Variants in BRINP3 observed in about 807,000 individuals in gnomAD.
BRINP3 encodes BMP/retinoic acid inducible neural specific 3.
BRINP3 carries 19 observed loss-of-function variants against 71.0 expected under a neutral mutation model. The observed-to-expected ratio is 0.27, with a 90% CI of 0.19 to 0.39. BRINP3 has a LOEUF of 0.39. Among genes scored for constraint, BRINP3 ranks in the 10% least tolerant of loss-of-function variants. The pLI, the probability that BRINP3 is intolerant of heterozygous loss-of-function variation, is 1.00. For missense variants in BRINP3, 959 were observed against 940.8 expected (o/e 1.02, Z -0.25); for synonymous variants, 380 against 337.7 (o/e 1.13, Z -1.37).
intron 2 of BRINP3, among the ~76,000 whole-genome samples, chr1:190,432,993 T>G (rs1377315816): frequency 6.6e-6 from 1 of 152,292 alleles, no homozygotes; most frequent in Non-Finnish European, 1.5e-5. Flanking sequence ...AGTGTTAAAT[T>G]TATTGAAAAG....
At chr1:190,352,227 A>G (rs1668434297) in intron 2 of BRINP3, among the ~76,000 whole-genome samples, 1 of 152,074 alleles carries the variant, frequency 6.6e-6, no homozygotes, top group African/African-American at 2.4e-5. Context: ...CATTTTGACT[A>G]CTGAAAATTT....
chr1:190,423,098 T>A (rs1341286284), intron 2 of BRINP3, among the ~76,000 whole-genome samples: 1 of 151,730 alleles, frequency 6.6e-6, no homozygotes, highest in Non-Finnish European at 1.5e-5. Context: ...TCATGCTACT[T>A]TCTAAGATGA....
At position 190,322,515 on chromosome 1, in the gene BRINP3, A is replaced by T. The variant is rs145397305; in HGVS notation, c.237-40765T>A. On this transcript the variant is annotated intron_variant, in intron 2 of 7. Transcript: ENST00000367462. ...TGAGTACACAGACAGACCTGAAGAAAAAGTGCGGCTGAGAAACGGGAATAT... is the reference window on the plus strand; with the variant it reads ...TGAGTACACAGACAGACCTGAAGAATAAGTGCGGCTGAGAAACGGGAATAT... Among the ~76,000 whole-genome samples the T allele has an allele frequency of 5.5e-3, 831 of 152,162 alleles. 5 individuals carry two copies. Among genetic ancestry groups the T allele is most frequent in the African/African-American group, 0.018 (760 of 41,532 alleles).
intron 7 of BRINP3, among the ~76,000 whole-genome samples, chr1:190,127,863 C>G (rs1198506719): frequency 6.6e-6 from 1 of 151,692 alleles, no homozygotes; most frequent in East Asian, 1.9e-4. Flanking sequence ...CATGTTACAT[C>G]GCTGAAAACC....
At chr1:190,325,974 A>G (rs928718245) in intron 2 of BRINP3, among the ~76,000 whole-genome samples, 1 of 152,132 alleles carries the variant, frequency 6.6e-6, no homozygotes, top group Non-Finnish European at 1.5e-5. Flanking sequence ...TAATGTATTC[A>G]AACAATAAAT....
intron 6 of BRINP3, among the ~76,000 whole-genome samples, chr1:190,165,130 AAGAGAAAT>A (rs1651375335): frequency 6.6e-6 from 1 of 152,116 alleles, no homozygotes; most frequent in South Asian, 2.1e-4. Context: ...ATAAAATAAA[AAGAGAAAT>A]AGAAAAAAAC....
intron 6 of BRINP3, among the ~76,000 whole-genome samples, chr1:190,190,626 T>C (rs910277227): frequency 1.3e-5 from 2 of 152,106 alleles, no homozygotes; most frequent in Non-Finnish European, 2.9e-5. Flanking sequence ...TAGAGCATAC[T>C]GATTCTTGCC....
At chr1:190,290,971 T>C (rs1558150559) in intron 2 of BRINP3, among the ~76,000 whole-genome samples, 1 of 151,522 alleles carries the variant, frequency 6.6e-6, no homozygotes, top group Non-Finnish European at 1.5e-5. Flanking sequence ...GAAAAAGATA[T>C]GGAGTATAGA....
intron 2 of BRINP3, among the ~76,000 whole-genome samples, chr1:190,444,685 A>C (rs759696331): frequency 1.1e-4 from 16 of 151,856 alleles, no homozygotes; most frequent in Non-Finnish European, 2.2e-4. Flanking sequence ...ACAGGCGCGC[A>C]CCAGTATGCT....
At chr1:190,219,938 C>T (rs553044657) in intron 6 of BRINP3, among the ~76,000 whole-genome samples, 54 of 151,404 alleles carry the variant, frequency 3.6e-4, no homozygotes, top group African/African-American at 1.3e-3. Flanking sequence ...TGAAAAGGAA[C>T]AAAGACCACC....
intron 6 of BRINP3, among the ~76,000 whole-genome samples, chr1:190,218,935 G>T (rs1656639494): frequency 6.6e-6 from 1 of 151,958 alleles, no homozygotes; most frequent in Non-Finnish European, 1.5e-5. Context: ...AGCCATCATT[G>T]TGTTTTCTCT....
intron 6 of BRINP3, among the ~76,000 whole-genome samples, chr1:190,179,703 G>C (rs889560106): frequency 6.6e-6 from 1 of 152,100 alleles, no homozygotes; most frequent in Non-Finnish European, 1.5e-5. Context: ...AAAGTGAATA[G>C]TCTTTCCAGT....
intron 2 of BRINP3, among the ~76,000 whole-genome samples, chr1:190,436,885 T>A (rs1356034457): frequency 6.6e-6 from 1 of 151,826 alleles, no homozygotes; most frequent in Non-Finnish European, 1.5e-5. Context: ...TGCTACATCC[T>A]GAAACTATAA....
At chr1:190,429,809 G>C (rs879438627) in intron 2 of BRINP3, among the ~76,000 whole-genome samples, 5 of 151,778 alleles carry the variant, frequency 3.3e-5, no homozygotes, top group African/African-American at 7.3e-5. Context: ...GACTGGTCTC[G>C]AACTCCCGAC....
chr1:190,198,690 C>A (rs1246511722), intron 6 of BRINP3, among the ~76,000 whole-genome samples: 2 of 152,166 alleles, frequency 1.3e-5, no homozygotes, highest in Non-Finnish European at 2.9e-5. Flanking sequence ...AAGTTCCCAA[C>A]AAGAGCCTCA....
chr1:190,453,405 G>C (rs986085096), intron 2 of BRINP3, among the ~76,000 whole-genome samples: 24 of 151,016 alleles, frequency 1.6e-4, no homozygotes, highest in African/African-American at 5.6e-4. Flanking sequence ...ATTTTTAGTA[G>C]AGACGGGGTT....
chr1:190,124,964 C>A (rs1361447431), intron 7 of BRINP3, among the ~76,000 whole-genome samples: 2 of 152,008 alleles, frequency 1.3e-5, no homozygotes, highest in African/African-American at 2.4e-5. Context: ...TCAGCATTTG[C>A]AATGTACCAT....
At chr1:190,181,541 C>A (rs1653030560) in intron 6 of BRINP3, among the ~76,000 whole-genome samples, 1 of 151,764 alleles carries the variant, frequency 6.6e-6, no homozygotes, top group South Asian at 2.1e-4. Flanking sequence ...TAGAATGTAT[C>A]CCTTTGTATG....
chr1:190,332,442 C>T (rs968848848), intron 2 of BRINP3, among the ~76,000 whole-genome samples: 1 of 152,024 alleles, frequency 6.6e-6, no homozygotes, highest in Non-Finnish European at 1.5e-5. Flanking sequence ...ATTCTGACAA[C>T]TTCCCCAAGT....
Sources: gnomAD v4.1 joint callset for allele counts (sites outside exome capture counted in the v4.1 genomes callset) on GRCh38, gnomAD v4.1.1 for gene constraint, MANE v1.5 for transcripts, NCBI Gene and HGNC (gene_info 2026-07-23, HGNC 2026-07-21) for gene names.